ZNF675: variants seen among roughly 807,000 people sequenced by gnomAD.
ZNF675 encodes the protein zinc finger protein 675.
Under a neutral mutation model 56.1 loss-of-function variants are expected in ZNF675, and 36 were observed. The ratio of observed to expected loss-of-function variants is 0.64; its 90% confidence interval spans 0.49 to 0.85. ZNF675 has a LOEUF of 0.85. ZNF675 is among the 40% of genes least tolerant of loss of function. The pLI, the probability that ZNF675 is intolerant of heterozygous loss-of-function variation, is 0.00. For missense variants in ZNF675, 663 were observed against 654.2 expected (o/e 1.01, Z -0.15); for synonymous variants, 200 against 218.9 (o/e 0.91, Z 0.76).
At chr19:23,671,595 T>C (rs1968227320) in intron 1 of ZNF675, among the ~76,000 whole-genome samples, 1 of 127,876 alleles carries the variant, frequency 7.8e-6, no homozygotes, top group East Asian at 3.6e-4. Flanking sequence ...GTCAGAAAAC[T>C]CTAGCAGTGC....
rs543138067 is a variant in ZNF675 at position 23,682,711 on chromosome 19, T to C, written c.3+4320A>G. Among the ~76,000 whole-genome samples, 86 of 151,854 alleles carry C rather than the reference T, an allele frequency of 5.7e-4. 2 individuals carry two copies. The highest frequency in any genetic ancestry group is 1.9e-3 in the African/African-American group (79 of 41,132). ...AGATGGGCTCAAGCTTTAATTTTCA[T>C]GTCTGAGTTATTCACTTGGTGTCTG... On this transcript the variant is annotated intron_variant, in intron 1 of 3. Coordinates refer to ENST00000359788, the MANE Select transcript of ZNF675 (RefSeq NM_138330.3).
intron 1 of ZNF675, among the ~76,000 whole-genome samples, chr19:23,666,774 T>TTTTCTC (rs923115713): frequency 2.0e-5 from 2 of 98,844 alleles, no homozygotes; most frequent in Non-Finnish European, 4.5e-5. Flanking sequence ...CTTTCTCTCT[T>TTTTCTC]TTTCTCTTTC....
In ZNF675 at chr19:23,653,181, T is replaced by C. The variant is rs763886992; in HGVS notation, c.*45A>G. 6 of 1,503,430 alleles carry C rather than the reference T, an allele frequency of 4.0e-6. No homozygotes were observed. The East Asian group carries it at 1.4e-4, about 34-fold the overall frequency. 93.1% of individuals were successfully genotyped at this position (1,503,430 alleles called of 1,614,324 possible). ...TTTCTAGAATTTTTCACCAGTATGA[T>C]TTCCTTTATATTTAGAAAAATTTGA... On this transcript the variant is annotated 3_prime_UTR_variant, in exon 4 of 4. Coordinates refer to ENST00000359788, the MANE Select transcript of ZNF675 (RefSeq NM_138330.3).
At chr19:23,674,545 A>G (rs545705283) in intron 1 of ZNF675, among the ~76,000 whole-genome samples, 1 of 150,898 alleles carries the variant, frequency 6.6e-6, no homozygotes, top group Non-Finnish European at 1.5e-5. Context: ...CGGGAGGCTG[A>G]GGCAGGAGAA....
At position 23,653,744 on chromosome 19, in the gene ZNF675, T is replaced by G; in HGVS notation, c.1189A>C (p.Lys397Gln). 1 of 1,613,936 alleles carries G rather than the reference T, an allele frequency of 6.2e-7. No homozygotes were observed. The highest frequency in any genetic ancestry group is 1.7e-5 in the Admixed American group (1 of 59,996). ...RKIHTEEKPY[K>Q]CKECGKAFKH... ...AAAGCTTTGCCACATTCTTTACATT[T>G]GTAGGGTTTCTCTTCGGTATGAATT... is the stretch of plus-strand genomic sequence containing the variant. The change falls in exon 4 of 4, where the codon AAA becomes CAA. Residue 397 changes from lysine (K) to glutamine (Q), a missense_variant. By Grantham distance (53) the Lys-to-Gln change is moderately conservative (BLOSUM62 1). Coordinates refer to ENST00000359788, the MANE Select transcript of ZNF675 (RefSeq NM_138330.3).
intron 1 of ZNF675, among the ~76,000 whole-genome samples, chr19:23,676,560 T>C (rs769006197): frequency 1.6e-4 from 24 of 151,736 alleles, no homozygotes; most frequent in Non-Finnish European, 3.1e-4. Flanking sequence ...TATATACAAA[T>C]CAATAAATGT....
Position 23,663,073 on chromosome 19 carries a change from T to C in ZNF675, c.89A>G (p.Lys30Arg), listed in dbSNP as rs1968102198. 1 of 1,606,698 alleles carries C rather than the reference T, an allele frequency of 6.2e-7. No homozygotes were observed. The highest frequency in any genetic ancestry group is 1.3e-5 in the African/African-American group (1 of 74,476). Residue 30 changes from lysine (K) to arginine (R), a missense_variant, in exon 2 of 4, where the codon AAA becomes AGA. By Grantham distance (26) the Lys-to-Arg change is conservative. Around this residue, in one of 3 missense-constraint regions of ZNF675, gnomAD observed 13 missense variants for 31.8 expected, o/e 0.41. Transcript: ENST00000359788. The part of the protein sequence containing the change: ...CLDTAQRNLY[K>R]NVILENYRNL... ...TCTGTAGTTCTCTAAAATCACATTT[T>C]TATATAAATTCCGCTGTGCAGTGTC... is the stretch of plus-strand genomic sequence containing the variant.
chr19:23,676,780 A>C (rs1398740746), intron 1 of ZNF675, among the ~76,000 whole-genome samples: 1 of 151,758 alleles, frequency 6.6e-6, no homozygotes. Flanking sequence ...TTTCTTGAAA[A>C]CTGGCACAAG....
chr19:23,660,542 AG>A (rs1325278663), intron 3 of ZNF675, among the ~76,000 whole-genome samples: 1 of 152,218 alleles, frequency 6.6e-6, no homozygotes, highest in African/African-American at 2.4e-5. Context: ...CTAACATACA[AG>A]TTAGGGTTCC....
chr19:23,672,659 C>G (rs188225633), intron 1 of ZNF675, among the ~76,000 whole-genome samples: 1 of 152,236 alleles, frequency 6.6e-6, no homozygotes, highest in East Asian at 1.9e-4. Flanking sequence ...GGAGTACAAT[C>G]AAAGGAGAGG....
chr19:23,659,057 C>T (rs9676856), intron 3 of ZNF675, among the ~76,000 whole-genome samples: 145,872 of 150,172 alleles, frequency 0.97, 71,008 homozygotes, highest in Middle Eastern at 1. Context: ...GGTTAGAGCG[C>T]CTGATATATA....
chr19:23,683,216 A>G (rs1968399698), intron 1 of ZNF675, among the ~76,000 whole-genome samples: 1 of 151,544 alleles, frequency 6.6e-6, no homozygotes, highest in Non-Finnish European at 1.5e-5. Flanking sequence ...TTATCTAGTA[A>G]ACAATTAGTC....
chr19:23,653,435 T>C lies in ZNF675; in HGVS notation c.1498A>G (p.Arg500Gly), dbSNP rs751895582. The change falls in exon 4 of 4, where the codon AGA becomes GGA. Residue 500 changes from arginine (R) to glycine (G), a missense_variant. By Grantham distance (125) the Arg-to-Gly change is moderately radical. Coordinates refer to ENST00000359788, the MANE Select transcript of ZNF675 (RefSeq NM_138330.3). Reference protein sequence around the residue: ...KHSSSLTTHKRIHTGEKPYKC... With the variant: ...KHSSSLTTHKGIHTGEKPYKC... Reference sequence around the variant, plus strand: ...TAGGGTTTCTCCCCAGTATGAATTCTTTTATGTGTAGTAAGGGATGAGGAG... The same window carrying C: ...TAGGGTTTCTCCCCAGTATGAATTCCTTTATGTGTAGTAAGGGATGAGGAG... 1 of 1,613,008 alleles carries C rather than the reference T, an allele frequency of 6.2e-7. No individual in the cohort carries two copies. The highest frequency in any genetic ancestry group is 8.5e-7 in the Non-Finnish European group (1 of 1,179,706).
intron 1 of ZNF675, among the ~76,000 whole-genome samples, chr19:23,682,030 TC>T (rs1968383469): frequency 6.6e-6 from 1 of 151,746 alleles, no homozygotes; most frequent in Admixed American, 6.6e-5. Flanking sequence ...CTCTCTCTTT[TC>T]TCACCTGTTG....
At chr19:23,663,252 T>A (rs1428478685) in intron 1 of ZNF675, 94 bp from the exon 2 acceptor site, 1 of 1,460,408 alleles carries the variant, frequency 6.8e-7, no homozygotes, top group African/African-American at 1.5e-5. Context: ...GAGAACAGGT[T>A]CTGATTTATA....
chr19:23,683,872 A>AT (rs201788116), intron 1 of ZNF675, among the ~76,000 whole-genome samples: 11 of 150,972 alleles, frequency 7.3e-5, no homozygotes, highest in Middle Eastern at 3.4e-3. Flanking sequence ...ATATAATTAA[A>AT]TTTTTTTTTT....
intron 1 of ZNF675, among the ~76,000 whole-genome samples, chr19:23,669,375 T>C (rs895378845): frequency 3.3e-5 from 5 of 152,070 alleles, no homozygotes; most frequent in Non-Finnish European, 7.4e-5. Flanking sequence ...AATTCTTCCC[T>C]TCCCCCACTC....
At position 23,687,152 on chromosome 19, in the gene ZNF675, C is replaced by T. The variant is rs192131085; in HGVS notation, c.-119G>A. ...GGACACAGAGCAATGAAAGCGAGACCTGGAGCTCCGGCTGCAGCGAGAGAC... is the reference window on the plus strand; with the variant it reads ...GGACACAGAGCAATGAAAGCGAGACTTGGAGCTCCGGCTGCAGCGAGAGAC... On this transcript the variant is annotated 5_prime_UTR_variant, in exon 1 of 4. Coordinates refer to ENST00000359788, the MANE Select transcript of ZNF675 (RefSeq NM_138330.3). 5.6e-6 allele frequency: 7 copies of T among 1,253,660 alleles called. No individual in the cohort carries two copies. The Admixed American group carries it at 1.2e-4, about 21-fold the overall frequency. 77.7% of individuals were successfully genotyped at this position (1,253,660 alleles called of 1,614,324 possible).
chr19:23,669,054 G>A (rs1054169401), intron 1 of ZNF675, among the ~76,000 whole-genome samples: 5 of 152,224 alleles, frequency 3.3e-5, no homozygotes, highest in Non-Finnish European at 7.3e-5. Context: ...GAGAGCAAGC[G>A]AGAGCTGTGA....
Sources: allele counts gnomAD v4.1 joint callset (sites outside exome capture counted in the v4.1 genomes callset), GRCh38; gene constraint gnomAD v4.1.1; regional missense constraint gnomAD v4.1.1; transcripts MANE v1.5; gene names NCBI Gene and HGNC (gene_info 2026-07-23, HGNC 2026-07-21).